LRP5: variants seen among roughly 807,000 people sequenced by gnomAD.
LRP5 encodes the protein low-density lipoprotein receptor-related protein 5.
Under a neutral mutation model 154.1 loss-of-function variants are expected in LRP5, and 62 were observed. That is an observed-to-expected ratio of 0.40 (90% CI 0.33 to 0.50). The LOEUF (loss-of-function observed/expected upper bound fraction) is 0.50, where lower values mean the gene tolerates loss of function less well. Ranked by LOEUF, LRP5 falls within the 20% of genes least tolerant of loss-of-function variation. The pLI is 0.55. For synonymous variants in LRP5, 966 were observed against 1,011.5 expected, an observed-to-expected ratio of 0.96 and a Z score of 0.85; for missense variants, 1,915 against 2,336.7, an observed-to-expected ratio of 0.82 and a Z score of 3.72.
At chr11:68,391,717 G>T (rs1383178823) in intron 7 of LRP5, among the ~76,000 whole-genome samples, 3 of 152,210 alleles carry the variant, frequency 2.0e-5, no homozygotes, top group Non-Finnish European at 4.4e-5. Flanking sequence ...TTTTGGCAAG[G>T]CCCATGTTTG....
chr11:68,397,994 G>C (rs1279335826), intron 7 of LRP5, among the ~76,000 whole-genome samples: 1 of 151,928 alleles, frequency 6.6e-6, no homozygotes, highest in African/African-American at 2.4e-5. Context: ...GTGTGTGTGT[G>C]TGTGTGTGTG....
At chr11:68,429,451 A>C in intron 16 of LRP5, 124 bp from the exon 17 acceptor site, 1 of 1,208,740 alleles carries the variant, frequency 8.3e-7, no homozygotes, top group Non-Finnish European at 1.2e-6. Context: ...GGATCCTCCC[A>C]GAGAGGCCGG....
chr11:68,417,382 A>G (rs1046276598), intron 13 of LRP5, among the ~76,000 whole-genome samples: 2 of 146,348 alleles, frequency 1.4e-5, no homozygotes, highest in South Asian at 2.3e-4. Context: ...GAAATTGTGC[A>G]TGAGCAAATG....
intron 5 of LRP5, among the ~76,000 whole-genome samples, chr11:68,376,306 C>T (rs1274548880): frequency 6.6e-5 from 10 of 151,872 alleles, no homozygotes; most frequent in Admixed American, 2.6e-4. Flanking sequence ...CTCAGCCTCC[C>T]GAGTAGCTTG....
intron 2 of LRP5, among the ~76,000 whole-genome samples, chr11:68,352,610 C>G (rs984220478): frequency 1.4e-5 from 2 of 141,514 alleles, no homozygotes; most frequent in African/African-American, 5.3e-5. Context: ...GCTAGGTGCT[C>G]GGTTGGAAGG....
At chr11:68,446,289 GGTT>G (rs1275332522) in intron 21 of LRP5, 144 bp from the exon 22 acceptor site, 1 of 690,498 alleles carries the variant, frequency 1.4e-6, no homozygotes, top group East Asian at 2.7e-5. Flanking sequence ...CCTGTCCCCA[GGTT>G]TTGCCAACTG....
chr11:68,389,873 T>G lies in LRP5; in HGVS notation c.1413-8T>G. The stretch of plus-strand genomic sequence containing the variant: ...TCATGGGGTCATGGACTTCTGCTTC[T>G]TCTCCAGCCTCATGTACTGGACAGA... On this transcript the variant is annotated splice_region_variant and splice_polypyrimidine_tract_variant and intron_variant, in intron 6 of 22. Transcript: ENST00000294304. 1.2e-6 allele frequency: 2 copies of G among 1,614,232 alleles called. No individual in the cohort carries two copies. Among genetic ancestry groups the G allele is most frequent in the South Asian group, 2.2e-5 (2 of 91,086 alleles).
At chr11:68,299,505 A>AGTGGGGTGGAGTCCTCAGTGTAGATG in the LRP5 span, among the ~76,000 whole-genome samples, 9 of 114,710 alleles carry the variant, frequency 7.8e-5, no homozygotes, top group African/African-American at 2.9e-4. Flanking sequence ...CAGTGTAGAC[A>AGTGGGGTGGAGTCCTCAGTGTAGATG]GCAGGGTGGA....
In LRP5 at chr11:68,446,428, C is replaced by A; in HGVS notation, c.4489-8C>A. The A allele has an allele frequency of 6.3e-7, 1 of 1,599,728 alleles. No individual in the cohort carries two copies. The highest frequency in any genetic ancestry group is 8.6e-7 in the Non-Finnish European group (1 of 1,166,932). ...GGCTCTAAGTCACCCTGGCTTGGCT[C>A]TCCTCAGATCCTGAACCCGCCGCCC... On this transcript the variant is annotated splice_region_variant and splice_polypyrimidine_tract_variant and intron_variant, in intron 21 of 22. Coordinates refer to ENST00000294304, the MANE Select transcript of LRP5 (RefSeq NM_002335.4).
At chr11:68,363,719 C>T in intron 3 of LRP5, 28 bp from the exon 4 acceptor site, 1 of 1,596,378 alleles carries the variant, frequency 6.3e-7, no homozygotes, top group Non-Finnish European at 8.6e-7. Context: ...CTCCTGATGG[C>T]TCCTCCACCC....
chr11:68,427,214 G>A (rs188992177), intron 16 of LRP5, among the ~76,000 whole-genome samples: 2 of 152,172 alleles, frequency 1.3e-5, no homozygotes, highest in Admixed American at 6.5e-5. Context: ...GGGAAATTAC[G>A]GGGTCATTTA....
chr11:68,448,101 T>A (rs183443365), intron 22 of LRP5, among the ~76,000 whole-genome samples: 3 of 152,292 alleles, frequency 2.0e-5, no homozygotes, highest in African/African-American at 7.2e-5. Context: ...AAGTCACATC[T>A]TACATGGCTT....
rs768638466 is a variant in LRP5 at position 68,363,798 on chromosome 11, C to T, written c.738C>T (p.Ser246=). 2.7e-5 allele frequency: 43 copies of T among 1,612,948 alleles called. No individual in the cohort carries two copies. The Middle Eastern group carries it at 3.9e-3, about 148-fold the overall frequency. The change falls in exon 4 of 23, where the codon TCC becomes TCT. Residue 246 remains serine (S), a synonymous_variant. Coordinates refer to ENST00000294304, the MANE Select transcript of LRP5 (RefSeq NM_002335.4). ...SLTHPFALTL[S]GDTLYWTDWQ... is the part of the protein sequence containing the mutation. Reference sequence around the variant, plus strand: ...CGCACCCCTTCGCCCTGACGCTCTCCGGGGACACTCTGTACTGGACAGACT... The same window carrying T: ...CGCACCCCTTCGCCCTGACGCTCTCTGGGGACACTCTGTACTGGACAGACT...
intron 17 of LRP5, among the ~76,000 whole-genome samples, chr11:68,431,303 G>A (rs1263790062): frequency 1.4e-5 from 2 of 139,500 alleles, no homozygotes; most frequent in Non-Finnish European, 3.0e-5. Flanking sequence ...GCAGTGGTGT[G>A]ATCTTGGCTC....
rs568055747 is a variant in LRP5 at position 68,437,728 on chromosome 11, G to A, written c.4112-718G>A. ...ACTCCCTGTGCCCTTTGGCACCTTC[G>A]TGCCAGGTCAGGCTTGAGGCCTGAA... On this transcript the variant is annotated intron_variant, in intron 19 of 22. Coordinates refer to ENST00000294304, the MANE Select transcript of LRP5 (RefSeq NM_002335.4). Among the ~76,000 whole-genome samples, 45 of 152,356 alleles carry A rather than the reference G, an allele frequency of 3.0e-4. No individual in the cohort carries two copies. The South Asian group carries it at 7.9e-3, about 27-fold the overall frequency.
chr11:68,398,370 T>C (rs2098650717), intron 7 of LRP5, among the ~76,000 whole-genome samples: 2 of 152,234 alleles, frequency 1.3e-5, no homozygotes, highest in African/African-American at 4.8e-5. Flanking sequence ...TTCCTTGGTG[T>C]GCTGGTCAGG....
rs534461795 is a variant in LRP5 at position 68,413,672 on chromosome 11, C to T, written c.2504-17C>T. ...GCTGTGCCTTTGCTGACACCGTGCC[C>T]GTGTGTGTTCATGCAGGTCAGGAGC... On this transcript the variant is annotated splice_polypyrimidine_tract_variant and intron_variant, in intron 11 of 22. Transcript: ENST00000294304. This position sits in a 1 kb window ranked among gnomAD's most constrained non-coding sequence, Gnocchi z 5.1. The T allele has an allele frequency of 3.4e-5, 54 of 1,609,968 alleles. 2 individuals are homozygous for T. The South Asian group carries it at 4.1e-4, about 12-fold the overall frequency.
intron 1 of LRP5, among the ~76,000 whole-genome samples, chr11:68,339,736 C>T (rs1449432373): frequency 6.6e-6 from 1 of 152,174 alleles, no homozygotes; most frequent in Non-Finnish European, 1.5e-5. Flanking sequence ...ATCCGTTCAT[C>T]GGTTATGGAC....
At chr11:68,391,329 G>T (rs768444244) in intron 7 of LRP5, among the ~76,000 whole-genome samples, 2 of 152,122 alleles carry the variant, frequency 1.3e-5, no homozygotes, top group African/African-American at 2.4e-5. Flanking sequence ...TGTCCCCATC[G>T]CACCATCGTC....
Sources: allele counts gnomAD v4.1 joint callset (sites outside exome capture counted in the v4.1 genomes callset), GRCh38; gene constraint gnomAD v4.1.1; non-coding constraint Gnocchi (gnomAD v3.1); transcripts MANE v1.5; gene names NCBI Gene and HGNC (gene_info 2026-07-23, HGNC 2026-07-21).